Variants in PIK3CB observed in about 807,000 individuals in gnomAD.
The protein encoded by PIK3CB is phosphatidylinositol 4,5-bisphosphate 3-kinase catalytic subunit beta isoform.
A neutral mutation model predicts 136.8 loss-of-function variants in PIK3CB; 39 were observed. The ratio of observed to expected loss-of-function variants is 0.29; its 90% CI spans 0.22 to 0.37. The LOEUF is 0.37. Ranked by LOEUF, PIK3CB falls within the 10% of genes least tolerant of loss-of-function variation. The probability of loss-of-function intolerance (pLI) is 1.00; values close to 1 mark genes in which losing one functional copy is unlikely to be tolerated. For missense variants in PIK3CB, 868 were observed against 1,275.4 expected, an observed-to-expected ratio of 0.68 and a Z score of 4.87; for synonymous variants, 428 against 436.6, an observed-to-expected ratio of 0.98 and a Z score of 0.25.
At chr3:138,662,478 A>G (rs1337928706) in intron 21 of PIK3CB, among the ~76,000 whole-genome samples, 3 of 151,102 alleles carry the variant, frequency 2.0e-5, no homozygotes, top group Admixed American at 6.6e-5. Flanking sequence ...TCCATGGTAT[A>G]TATGTGCCAC....
intron 11 of PIK3CB, among the ~76,000 whole-genome samples, chr3:138,706,935 C>T (rs756900670): frequency 4.6e-5 from 7 of 152,180 alleles, no homozygotes; most frequent in Non-Finnish European, 8.8e-5. Flanking sequence ...GGATTACAGG[C>T]GTGAACCACT....
chr3:138,754,586 A>G (rs2045531127), intron 4 of PIK3CB, among the ~76,000 whole-genome samples: 1 of 152,206 alleles, frequency 6.6e-6, no homozygotes, highest in African/African-American at 2.4e-5. Context: ...ATACATAACT[A>G]TAAACTTGTT....
chr3:138,730,232 A>G (rs2044941214), intron 8 of PIK3CB, among the ~76,000 whole-genome samples: 1 of 152,208 alleles, frequency 6.6e-6, no homozygotes, highest in African/African-American at 2.4e-5. Context: ...AACGGCAAAC[A>G]ATAGAATCAA....
chr3:138,799,114 C>T (rs1199095688), intron 1 of PIK3CB, among the ~76,000 whole-genome samples: 2 of 151,288 alleles, frequency 1.3e-5, no homozygotes, highest in African/African-American at 2.4e-5. Flanking sequence ...CCCAGCTACT[C>T]GGGAGGCTGA....
At chr3:138,727,542 A>C (rs773117379) in intron 8 of PIK3CB, among the ~76,000 whole-genome samples, 6 of 152,240 alleles carry the variant, frequency 3.9e-5, no homozygotes, top group Non-Finnish European at 8.8e-5. Context: ...CAGGCCTACA[A>C]TCACATGGAA....
chr3:138,723,139 T>C (rs1404062407), intron 8 of PIK3CB, among the ~76,000 whole-genome samples: 3 of 152,118 alleles, frequency 2.0e-5, no homozygotes, highest in Non-Finnish European at 4.4e-5. Context: ...AGTAACAAAA[T>C]CCATCCTCTA....
chr3:138,733,063 CTATA>C (rs1244419925), intron 8 of PIK3CB, among the ~76,000 whole-genome samples: 1 of 150,434 alleles, frequency 6.6e-6, no homozygotes, highest in African/African-American at 2.4e-5. Flanking sequence ...TCTTACCCAT[CTATA>C]TTATATATTT....
rs138409497 is a variant in PIK3CB, at chr3:138,701,654, G to A, written c.1582-2559C>T. 4.9e-4 allele frequency among the ~76,000 whole-genome samples: 74 copies of A among 151,670 alleles called. No individual in the cohort carries two copies. In the East Asian group the frequency reaches 9.7e-3, roughly 20 times the overall value. ...CAAAAAATTAGCTGGGCATGGTGGC[G>A]CATGCCTGTAGTCCCAGCTACTTGG... On this transcript the variant is annotated intron_variant, in intron 12 of 23. Transcript: ENST00000674063.
intron 2 of PIK3CB, among the ~76,000 whole-genome samples, chr3:138,776,879 T>C (rs1223213638): frequency 7.2e-6 from 1 of 138,914 alleles, no homozygotes; most frequent in East Asian, 2.1e-4. Context: ...GCTGAGATCA[T>C]GCTACTGCAC....
At chr3:138,658,496 C>G (rs1191071395) in intron 21 of PIK3CB, among the ~76,000 whole-genome samples, 1 of 152,080 alleles carries the variant, frequency 6.6e-6, no homozygotes, top group African/African-American at 2.4e-5. Flanking sequence ...CCTACTAGCT[C>G]CCCACATTGA....
At chr3:138,662,177 T>A (rs2043309292) in intron 21 of PIK3CB, among the ~76,000 whole-genome samples, 1 of 150,966 alleles carries the variant, frequency 6.6e-6, no homozygotes, top group South Asian at 2.1e-4. Context: ...TAGTTACATA[T>A]GTATACATGT....
At chr3:138,685,165 TG>T (rs2043857313) in intron 16 of PIK3CB, 1 of 167,372 alleles carries the variant, frequency 6.0e-6, no homozygotes. Flanking sequence ...CTGAGGCAGC[TG>T]GATCACTTGA....
At chr3:138,716,558 T>C (rs1263250117) in intron 8 of PIK3CB, among the ~76,000 whole-genome samples, 3 of 152,082 alleles carry the variant, frequency 2.0e-5, no homozygotes, top group Non-Finnish European at 4.4e-5. Context: ...TGAAAAACAG[T>C]ATAACGCAAC....
At chr3:138,723,371 C>T (rs769129076) in intron 8 of PIK3CB, among the ~76,000 whole-genome samples, 3 of 151,894 alleles carry the variant, frequency 2.0e-5, no homozygotes, top group Non-Finnish European at 4.4e-5. Context: ...GGCAACATGG[C>T]GAACTCTCCT....
intron 8 of PIK3CB, among the ~76,000 whole-genome samples, chr3:138,722,035 C>T (rs1467559100): frequency 1.3e-5 from 2 of 151,902 alleles, no homozygotes; most frequent in East Asian, 3.9e-4. Flanking sequence ...AGGTGTAGGG[C>T]AAGCAGACAG....
At chr3:138,773,299 G>T (rs1482525755) in intron 2 of PIK3CB, among the ~76,000 whole-genome samples, 1 of 151,938 alleles carries the variant, frequency 6.6e-6, no homozygotes, top group African/African-American at 2.4e-5. Flanking sequence ...GCTGAGGCAG[G>T]AGAATCACTT....
At chr3:138,719,574 T>C (rs549154994) in intron 8 of PIK3CB, among the ~76,000 whole-genome samples, 4 of 152,254 alleles carry the variant, frequency 2.6e-5, no homozygotes, top group East Asian at 3.9e-4. Flanking sequence ...CTAGAAAGAA[T>C]AGGAATAAGT....
In PIK3CB at chr3:138,694,865, C is replaced by T. The variant is rs760529264; in HGVS notation, c.1813G>A (p.Glu605Lys). 3 of 1,611,942 alleles carry T rather than the reference C, an allele frequency of 1.9e-6. No individual in the cohort carries two copies. In the South Asian group the frequency reaches 3.3e-5, roughly 18 times the overall value. The change falls in exon 14 of 24, where the codon GAG becomes AAG. Residue 605 changes from glutamate to lysine, a missense_variant. By Grantham distance (56) the Glu-to-Lys change is moderately conservative. Around this residue, in one of 4 missense-constraint regions of PIK3CB, gnomAD observed 612 missense variants for 801.1 expected, o/e 0.76. Coordinates refer to ENST00000674063, the MANE Select transcript of PIK3CB (RefSeq NM_006219.3). ...TTGAAATCCAGAAGCTCTAGGGCCTCCCGGGGGGGCAGTTTAGGCCAAATC... is the reference window on the plus strand; with the variant it reads ...TTGAAATCCAGAAGCTCTAGGGCCTTCCGGGGGGGCAGTTTAGGCCAAATC... ...LQIWPKLPPR[E>K]ALELLDFNYP...
intron 8 of PIK3CB, among the ~76,000 whole-genome samples, chr3:138,722,961 G>C (rs2044758948): frequency 1.3e-5 from 2 of 151,776 alleles, no homozygotes; most frequent in Non-Finnish European, 2.9e-5. Flanking sequence ...AGAAATCTCT[G>C]TGTAATTTAC....
Sources: allele counts gnomAD v4.1 joint callset (sites outside exome capture counted in the v4.1 genomes callset), GRCh38; gene constraint gnomAD v4.1.1; regional missense constraint gnomAD v4.1.1; transcripts MANE v1.5; gene names NCBI Gene and HGNC (gene_info 2026-07-23, HGNC 2026-07-21).